Variants in SEZ6L observed in about 807,000 individuals in gnomAD.
The protein encoded by SEZ6L is seizure 6-like protein.
Under a neutral mutation model 106.2 loss-of-function variants are expected in SEZ6L, and 37 were observed. The observed-to-expected ratio is 0.35, with a 90% CI of 0.27 to 0.46. The LOEUF (loss-of-function observed/expected upper bound fraction) is 0.46, where lower values mean the gene tolerates loss of function less well. Ranked by LOEUF, SEZ6L falls within the 20% of genes least tolerant of loss-of-function variation. The probability of loss-of-function intolerance (pLI) is 1.00; values close to 1 mark genes in which losing one functional copy is unlikely to be tolerated. For missense variants in SEZ6L, 1,172 were observed against 1,332.8 expected (o/e 0.88, Z 1.88); for synonymous variants, 541 against 570.4 (o/e 0.95, Z 0.73).
At chr22:26,245,579 G>A (rs1044746295) in intron 1 of SEZ6L, among the ~76,000 whole-genome samples, 16 of 152,144 alleles carry the variant, frequency 1.1e-4, no homozygotes, top group Non-Finnish European at 1.8e-4. Flanking sequence ...AATATTGTTT[G>A]CCAAGCTTCG....
At chr22:26,310,482 G>A (rs2081785700) in intron 6 of SEZ6L, among the ~76,000 whole-genome samples, 188 bp from the exon 7 acceptor site, 2 of 152,146 alleles carry the variant, frequency 1.3e-5, no homozygotes, top group South Asian at 4.1e-4. Context: ...GTTGCAGTGA[G>A]CCAAGATCGC....
intron 1 of SEZ6L, among the ~76,000 whole-genome samples, chr22:26,225,120 A>C (rs1468499757): frequency 6.6e-6 from 1 of 152,148 alleles, no homozygotes; most frequent in Admixed American, 6.5e-5. Flanking sequence ...CCATTCTACA[A>C]CTCAGGGCAT....
Position 26,306,053 on chromosome 22 carries a change from G to A in SEZ6L, c.1423G>A (p.Gly475Arg), listed in dbSNP as rs1355492093. 5 of 1,612,478 alleles carry A rather than the reference G, an allele frequency of 3.1e-6. No homozygotes were observed. The African/African-American group carries it at 4.0e-5, about 13-fold the overall frequency. Residue 475 changes from glycine (G) to arginine (R), a missense_variant, in exon 6 of 17, where the codon GGG becomes AGG. By Grantham distance (125) the Gly-to-Arg change is moderately radical (BLOSUM62 -2). Around this residue, in one of 4 missense-constraint regions of SEZ6L, gnomAD observed 534 missense variants for 691.0 expected, o/e 0.77. Transcript: ENST00000248933. ...LSPSYPENTN[G>R]SQFCIWTIEA... ...CCCAAGTTACCCTGAAAACACAAATGGGAGCCAATTCTGCATCTGGACGAT... is the reference window on the plus strand; with the variant it reads ...CCCAAGTTACCCTGAAAACACAAATAGGAGCCAATTCTGCATCTGGACGAT...
intron 5 of SEZ6L, among the ~76,000 whole-genome samples, chr22:26,301,653 G>A (rs2081458317): frequency 6.6e-6 from 1 of 152,066 alleles, no homozygotes; most frequent in Admixed American, 6.6e-5. Flanking sequence ...ACAGTGATGA[G>A]CGAAGGGTCA....
intron 16 of SEZ6L, among the ~76,000 whole-genome samples, chr22:26,379,682 C>T (rs2084351470): frequency 6.6e-6 from 1 of 152,184 alleles, no homozygotes; most frequent in South Asian, 2.1e-4. Context: ...AATGGTAGAT[C>T]AGGGCATATG....
At chr22:26,271,834 C>T (rs761076627) in intron 1 of SEZ6L, among the ~76,000 whole-genome samples, 3 of 152,188 alleles carry the variant, frequency 2.0e-5, no homozygotes, top group Non-Finnish European at 2.9e-5. Flanking sequence ...CATGGCAGTG[C>T]AAGAGCAGAC....
intron 9 of SEZ6L, among the ~76,000 whole-genome samples, chr22:26,318,177 G>A (rs907179914): frequency 7.2e-5 from 11 of 151,930 alleles, no homozygotes; most frequent in African/African-American, 2.4e-4. Context: ...GGGTTCAAGC[G>A]ATTCTCCTGC....
intron 1 of SEZ6L, among the ~76,000 whole-genome samples, chr22:26,291,163 T>A (rs975097480): frequency 6.6e-6 from 1 of 152,250 alleles, no homozygotes. Context: ...GCTGCACTAT[T>A]CACAATAGCA....
At chr22:26,365,995 C>T (rs1432931289) in intron 13 of SEZ6L, among the ~76,000 whole-genome samples, 1 of 152,176 alleles carries the variant, frequency 6.6e-6, no homozygotes, top group East Asian at 1.9e-4. Flanking sequence ...TATACTATGA[C>T]ACAATGTCTT....
chr22:26,297,245 C>T (rs1859818951), intron 4 of SEZ6L, among the ~76,000 whole-genome samples, 165 bp downstream of exon 4: 1 of 152,304 alleles, frequency 6.6e-6, no homozygotes, highest in East Asian at 1.9e-4. Context: ...AAAATATATA[C>T]AATTTTAAAG....
chr22:26,217,792 T>C (rs2078341846), intron 1 of SEZ6L, among the ~76,000 whole-genome samples: 1 of 152,240 alleles, frequency 6.6e-6, no homozygotes, highest in South Asian at 2.1e-4. Flanking sequence ...GAATTTCCCC[T>C]TTAGGTCCTG....
At chr22:26,234,266 C>A (rs1302614245) in intron 1 of SEZ6L, among the ~76,000 whole-genome samples, 2 of 152,114 alleles carry the variant, frequency 1.3e-5, no homozygotes, top group African/African-American at 2.4e-5. Context: ...GAATTGGAAC[C>A]CAGGTTTGTG....
intron 1 of SEZ6L, among the ~76,000 whole-genome samples, chr22:26,270,289 T>C (rs192344533): frequency 3.3e-4 from 51 of 152,334 alleles, no homozygotes; most frequent in Admixed American, 2.0e-3. Context: ...TGTTTCTTCC[T>C]GGGTAACACT....
intron 1 of SEZ6L, among the ~76,000 whole-genome samples, chr22:26,287,121 T>G (rs2145871428): frequency 6.6e-6 from 1 of 151,526 alleles, no homozygotes. Flanking sequence ...CCCATCAAAG[T>G]TAGAAAAATG....
rs3222745 is a variant in SEZ6L at position 26,221,740 on chromosome 22, G to GCACACACACACA, written c.94+51999_94+52010dup. On this transcript the variant is annotated intron_variant, in intron 1 of 16. Coordinates refer to ENST00000248933, the MANE Select transcript of SEZ6L (RefSeq NM_021115.5). ...TGAATTCATGCGCGTGCACACGCGT[G>GCACACACACACA]CACACACACACACACACACACACAC... 5.0e-4 allele frequency among the ~76,000 whole-genome samples: 74 copies of GCACACACACACA among 149,390 alleles called. 1 individual carries two copies. Among genetic ancestry groups the GCACACACACACA allele is most frequent in the South Asian group, 2.5e-3 (12 of 4,714 alleles).
At chr22:26,365,684 G>A in intron 13 of SEZ6L, 118 bp downstream of exon 13, 1 of 867,928 alleles carries the variant, frequency 1.2e-6, no homozygotes, top group African/African-American at 1.7e-5. Flanking sequence ...ACCAGCCGAG[G>A]CAACATAGTG....
intron 9 of SEZ6L, among the ~76,000 whole-genome samples, chr22:26,334,307 T>TA (rs1160374531): frequency 6.6e-6 from 1 of 152,188 alleles, no homozygotes; most frequent in Non-Finnish European, 1.5e-5. Flanking sequence ...TAACCCTTGA[T>TA]AACCACCCAT....
intron 1 of SEZ6L, among the ~76,000 whole-genome samples, chr22:26,228,050 C>T (rs1169976499): frequency 3.9e-5 from 6 of 152,190 alleles, no homozygotes; most frequent in African/African-American, 1.4e-4. Flanking sequence ...TCTACATTCA[C>T]TTACTTAACA....
chr22:26,320,627 G>T (rs192857925), intron 9 of SEZ6L, among the ~76,000 whole-genome samples: 154 of 152,296 alleles, frequency 1.0e-3, no homozygotes, highest in Admixed American at 5.2e-3. Context: ...CCCCGCCCCC[G>T]GGGAGCCATG....
Sources: allele counts gnomAD v4.1 joint callset (sites outside exome capture counted in the v4.1 genomes callset), GRCh38; gene constraint gnomAD v4.1.1; regional missense constraint gnomAD v4.1.1; transcripts MANE v1.5; gene names NCBI Gene and HGNC (gene_info 2026-07-23, HGNC 2026-07-21).